The following SYT13 variants were observed in gnomAD, a reference collection of about 807,000 sequenced individuals.
The protein encoded by SYT13 is synaptotagmin 13, also known as synaptotagmin-13.
SYT13 carries 21 observed loss-of-function variants against 38.6 expected under a neutral mutation model. That is an observed-to-expected ratio of 0.54 (90% CI 0.39 to 0.78). SYT13 has a LOEUF of 0.78. Among genes scored for constraint, SYT13 ranks in the 30% least tolerant of loss-of-function variants. The probability of loss-of-function intolerance (pLI) is 0.00; values close to 1 mark genes in which losing one functional copy is unlikely to be tolerated. For missense variants in SYT13, 495 were observed against 548.7 expected (o/e 0.90, Z 0.98); for synonymous variants, 241 against 237.6 (o/e 1.01, Z -0.13).
intron 1 of SYT13, among the ~76,000 whole-genome samples, chr11:45,271,959 G>A (rs1407758521): frequency 6.6e-6 from 1 of 152,164 alleles, no homozygotes; most frequent in Non-Finnish European, 1.5e-5. Context: ...GCCCATGAAT[G>A]GTAGACTGAA....
chr11:45,242,895 T>C lies in SYT13; in HGVS notation c.*1157A>G, dbSNP rs183419886. 2 of 152,314 alleles carry C rather than the reference T, an allele frequency of 1.3e-5. No individual in the cohort carries two copies. Among genetic ancestry groups the C allele is most frequent in the Admixed American group, 1.3e-4 (2 of 15,302 alleles). The allele number at this position is 152,314 out of a possible 1,614,324, so 9.4% of individuals were successfully genotyped here. A position where few individuals can be genotyped will look rare whatever the true frequency, so the allele number is the denominator to read the frequency against. On this transcript the variant is annotated 3_prime_UTR_variant, in exon 6 of 6. Transcript: ENST00000020926. The stretch of plus-strand genomic sequence containing the variant: ...TAGGAATTCAAAACCTAGCTGCTGG[T>C]TATTTACCCATTCAAGTGAAAACAG...
chr11:45,258,452 G>A (rs1233731128), intron 1 of SYT13: 1 of 152,182 alleles, frequency 6.6e-6, no homozygotes, highest in Non-Finnish European at 1.5e-5. Context: ...AGTGACAAGT[G>A]ATTTGCAGGC....
At chr11:45,275,687 G>A (rs1381102990) in intron 1 of SYT13, among the ~76,000 whole-genome samples, 1 of 152,102 alleles carries the variant, frequency 6.6e-6, no homozygotes, top group African/African-American at 2.4e-5. Context: ...TCATTGTGTG[G>A]GCAGCAACTG....
chr11:45,269,449 C>T, intron 1 of SYT13: 1 of 1,275,298 alleles, frequency 7.8e-7, no homozygotes, highest in Non-Finnish European at 1.0e-6. Context: ...ATTATTTCAG[C>T]AGTCACATCA....
intron 1 of SYT13, 165 bp downstream of exon 1, chr11:45,285,860 T>G (rs770720937): frequency 4.7e-6 from 1 of 211,300 alleles, no homozygotes. Context: ...CCCATCCCCC[T>G]ACCTTTTTGA....
chr11:45,284,498 G>A (rs1371004029), intron 1 of SYT13, among the ~76,000 whole-genome samples: 1 of 152,172 alleles, frequency 6.6e-6, no homozygotes, highest in Non-Finnish European at 1.5e-5. Context: ...AGAAGTTGTG[G>A]AGGATTTGAA....
At chr11:45,247,991 C>G (rs1461637192) in intron 4 of SYT13, among the ~76,000 whole-genome samples, 1 of 152,162 alleles carries the variant, frequency 6.6e-6, no homozygotes, top group Non-Finnish European at 1.5e-5. Flanking sequence ...TTATTAATAA[C>G]CCAGAATAAG....
chr11:45,285,881 T>C (rs1590538565), intron 1 of SYT13, 144 bp downstream of exon 1: 1 of 650,022 alleles, frequency 1.5e-6, no homozygotes, highest in Non-Finnish European at 2.3e-6. Context: ...CTCCTTGACC[T>C]GTCCTCCAAC....
chr11:45,244,529 G>C (rs1333453608), intron 5 of SYT13, among the ~76,000 whole-genome samples, 173 bp from the exon 6 acceptor site: 2 of 152,042 alleles, frequency 1.3e-5, no homozygotes, highest in Admixed American at 6.6e-5. Flanking sequence ...TTTCCTTCTG[G>C]ATACCCCAGC....
chr11:45,264,468 G>C (rs150661987), intron 1 of SYT13, among the ~76,000 whole-genome samples: 14 of 152,178 alleles, frequency 9.2e-5, no homozygotes, highest in African/African-American at 3.1e-4. Context: ...TTCCTATAGA[G>C]AGCCCCATGT....
At chr11:45,275,017 A>G (rs1854992755) in intron 1 of SYT13, among the ~76,000 whole-genome samples, 1 of 152,100 alleles carries the variant, frequency 6.6e-6, no homozygotes, top group African/African-American at 2.4e-5. Flanking sequence ...TGATTTCTTG[A>G]TATATCACTA....
At chr11:45,249,481 C>T (rs887113898) in intron 4 of SYT13, among the ~76,000 whole-genome samples, 1 of 152,144 alleles carries the variant, frequency 6.6e-6, no homozygotes, top group Non-Finnish European at 1.5e-5. Flanking sequence ...TTCACAATAG[C>T]AGACTTGGAA....
intron 1 of SYT13, among the ~76,000 whole-genome samples, chr11:45,260,789 C>G (rs951027355): frequency 1.3e-5 from 2 of 152,308 alleles, no homozygotes; most frequent in South Asian, 4.1e-4. Context: ...TTAGATTCTC[C>G]GCCTCACCTG....
chr11:45,270,907 C>T (rs969212967), intron 1 of SYT13, among the ~76,000 whole-genome samples: 2 of 152,128 alleles, frequency 1.3e-5, no homozygotes, highest in Admixed American at 6.5e-5. Context: ...TAAGTCAAAC[C>T]GCTCCACATT....
intron 4 of SYT13, among the ~76,000 whole-genome samples, chr11:45,248,823 TA>T (rs113186905): frequency 3.7e-4 from 56 of 152,326 alleles, no homozygotes; most frequent in African/African-American, 1.1e-3. Flanking sequence ...CACTTTTGCA[TA>T]GGGTGAGGTC....
In SYT13 at chr11:45,246,521, G is replaced by A. The variant is rs751413684; in HGVS notation, c.847-9C>T. On this transcript the variant is annotated splice_polypyrimidine_tract_variant and intron_variant, in intron 4 of 5. Coordinates refer to ENST00000020926, the MANE Select transcript of SYT13 (RefSeq NM_020826.3). ...GCTCCTGCAGATGGCTCCTGAAACA[G>A]AAAAGGAGATGCAGGAGGGGAGTCT... 3 of 1,613,666 alleles carry A rather than the reference G, an allele frequency of 1.9e-6. No individual in the cohort carries two copies. Among genetic ancestry groups the A allele is most frequent in the South Asian group, 1.1e-5 (1 of 90,996 alleles).
At chr11:45,280,098 G>T (rs1434776269) in intron 1 of SYT13, among the ~76,000 whole-genome samples, 3 of 152,164 alleles carry the variant, frequency 2.0e-5, no homozygotes, top group Non-Finnish European at 2.9e-5. Flanking sequence ...CCTAGCATGT[G>T]CTCATTAATC....
intron 2 of SYT13, chr11:45,254,708 C>T (rs530007108): frequency 3.1e-5 from 8 of 255,264 alleles, no homozygotes; most frequent in Admixed American, 1.1e-4. Context: ...GGGTCAGGGA[C>T]GATCATGTCT....
intron 1 of SYT13, among the ~76,000 whole-genome samples, chr11:45,259,758 G>T (rs2863179): frequency 0.41 from 61,998 of 151,986 alleles, 15,092 homozygotes; most frequent in Non-Finnish European, 0.56. Context: ...CCAGATGGAA[G>T]GGAGGGACTT....
Sources: allele counts gnomAD v4.1 joint callset (sites outside exome capture counted in the v4.1 genomes callset), GRCh38; gene constraint gnomAD v4.1.1; transcripts MANE v1.5; gene names NCBI Gene and HGNC (gene_info 2026-07-23, HGNC 2026-07-21).